The following CELF2 variants were observed in gnomAD, a reference collection of about 807,000 sequenced individuals.
The protein encoded by CELF2 is CUG triplet repeat RNA-binding protein 2.
A neutral mutation model predicts 62.6 loss-of-function variants in CELF2; 8 were observed. The observed-to-expected ratio is 0.13, with a 90% CI of 0.07 to 0.23. CELF2 has a LOEUF of 0.23. CELF2 is among the 10% of genes least tolerant of loss of function. The pLI, the probability that CELF2 is intolerant of heterozygous loss-of-function variation, is 1.00. For synonymous variants in CELF2, 258 were observed against 250.0 expected (o/e 1.03, Z -0.30); for missense variants, 333 against 671.0 (o/e 0.50, Z 5.56).
intron 2 of CELF2, among the ~76,000 whole-genome samples, chr10:11,185,514 A>C (rs1588564646): frequency 6.6e-6 from 1 of 152,138 alleles, no homozygotes; most frequent in Admixed American, 6.5e-5. Context: ...TCCTGGATTC[A>C]AGTGATTCTC....
the CELF2 span, among the ~76,000 whole-genome samples, chr10:10,564,772 C>A: frequency 1.3e-5 from 2 of 151,662 alleles, no homozygotes; most frequent in Non-Finnish European, 2.9e-5. Context: ...TTCCACAGTG[C>A]TCTAAACAAT....
In CELF2 at chr10:10,849,507, C is replaced by T. The variant is rs116776665; in HGVS notation, c.53+50690C>T. Reference sequence around the variant, plus strand: ...TCTCAACATTTTGCCATATTTGCTTCGTCATTCTTTCCATACATACTACCT... The same window carrying T: ...TCTCAACATTTTGCCATATTTGCTTTGTCATTCTTTCCATACATACTACCT... On this transcript the variant is annotated intron_variant, in intron 1 of 13. Transcript: ENST00000636488. Among the ~76,000 whole-genome samples the T allele has an allele frequency of 3.6e-3, 541 of 152,266 alleles. 3 individuals carry two copies. The highest frequency in any genetic ancestry group is 0.012 in the African/African-American group (510 of 41,554).
chr10:11,245,767 C>T (rs1420440393), intron 3 of CELF2, among the ~76,000 whole-genome samples: 1 of 152,196 alleles, frequency 6.6e-6, no homozygotes, highest in Non-Finnish European at 1.5e-5. Context: ...AGATTACTTT[C>T]CCCTAGGGAT....
At chr10:10,506,678 T>TTTTTTTTTTA in the CELF2 span, among the ~76,000 whole-genome samples, 1 of 124,878 alleles carries the variant, frequency 8.0e-6, no homozygotes, top group Non-Finnish European at 1.7e-5. Flanking sequence ...GAATTTTTTT[T>TTTTTTTTTTA]TTTTTTTTTT....
In CELF2 at chr10:11,300,353, G is replaced by A. The variant is rs777107880; in HGVS notation, c.976+11801G>A. Among the ~76,000 whole-genome samples the A allele has an allele frequency of 2.6e-5, 4 of 152,172 alleles. No homozygotes were observed. The highest frequency in any genetic ancestry group is 4.8e-5 in the African/African-American group (2 of 41,420). ...CCCAGTCTTCCTGAGAACCAGTAGT[G>A]ATGACTCTTGCCCAGCACTGCACCA... On this transcript the variant is annotated intron_variant, in intron 9 of 12. Coordinates refer to ENST00000633077, the MANE Select transcript of CELF2 (RefSeq NM_001326342.2). The surrounding 1 kb of genome is among the most constrained non-coding windows in gnomAD (Gnocchi z 5.5).
intron 1 of CELF2, among the ~76,000 whole-genome samples, chr10:10,821,647 G>T (rs1231452310): frequency 6.6e-6 from 1 of 151,942 alleles, no homozygotes; most frequent in African/African-American, 2.4e-5. Context: ...GGGTTTCCTT[G>T]GTTTTTTGTT....
chr10:10,767,792 G>A, the CELF2 span, among the ~76,000 whole-genome samples: 74 of 151,994 alleles, frequency 4.9e-4, no homozygotes, highest in Admixed American at 4.8e-3. Context: ...GTCAGGAGAT[G>A]GAGACCATCC....
rs551670276 is a variant in CELF2, at chr10:11,052,592, G to T, written c.74+34429G>T. ...AAAAATGAAAAGCTAACTGCAATTA[G>T]GTAAACTATACCTTTCTTTACATCC... On this transcript the variant is annotated intron_variant, in intron 1 of 12. Transcript: ENST00000633077. Among the ~76,000 whole-genome samples the T allele has an allele frequency of 1.1e-4, 16 of 152,318 alleles. No individual in the cohort carries two copies. The South Asian group carries it at 3.3e-3, about 32-fold the overall frequency.
chr10:10,868,133 C>T (rs2060499597), intron 1 of CELF2, among the ~76,000 whole-genome samples: 1 of 152,314 alleles, frequency 6.6e-6, no homozygotes, highest in African/African-American at 2.4e-5. Flanking sequence ...CAGCATACCA[C>T]CCCCAGAATT....
chr10:11,058,071 A>G (rs1331088024), intron 1 of CELF2, among the ~76,000 whole-genome samples: 2 of 77,924 alleles, frequency 2.6e-5, no homozygotes, highest in South Asian at 3.4e-4. Flanking sequence ...TCTGAAGAGG[A>G]AAAAAAAAAA....
At chr10:10,750,380 G>A in the CELF2 span, among the ~76,000 whole-genome samples, 1 of 152,160 alleles carries the variant, frequency 6.6e-6, no homozygotes, top group Non-Finnish European at 1.5e-5. Context: ...TTTGGTTAGA[G>A]CTCTTGGGGA....
At chr10:11,014,597 A>C (rs920355819), upstream of CELF2, among the ~76,000 whole-genome samples, 1 of 152,100 alleles carries the variant, frequency 6.6e-6, no homozygotes, top group Non-Finnish European at 1.5e-5. Flanking sequence ...GTACAAATGC[A>C]TTTATTAGCA....
chr10:11,120,699 T>C (rs2057565272), intron 1 of CELF2, among the ~76,000 whole-genome samples: 2 of 151,924 alleles, frequency 1.3e-5, no homozygotes, highest in Admixed American at 1.3e-4. Flanking sequence ...ATCTAGGGAG[T>C]GCTTAATTTC....
In CELF2 at chr10:11,260,391, G is replaced by A. The variant is rs1027792216; in HGVS notation, c.538+2519G>A. On this transcript the variant is annotated intron_variant, in intron 5 of 12. Transcript: ENST00000633077. This position sits in a 1 kb window ranked among gnomAD's most constrained non-coding sequence, Gnocchi z 4.2. ...AATGAACAGGATTGCCGCCTGCAGC[G>A]TTCAGAGCTCCTTGAGCATACATCA... Among the ~76,000 whole-genome samples, 1 of 152,214 alleles carries A rather than the reference G, an allele frequency of 6.6e-6. No individual in the cohort carries two copies. The highest frequency in any genetic ancestry group is 1.5e-5 in the Non-Finnish European group (1 of 68,042).
chr10:10,589,089 A>G, the CELF2 span, among the ~76,000 whole-genome samples: 2 of 152,228 alleles, frequency 1.3e-5, no homozygotes, highest in African/African-American at 4.8e-5. Context: ...TTAGGGAGAC[A>G]GGAGACATCA....
At chr10:11,087,318 A>G (rs912967481) in intron 1 of CELF2, among the ~76,000 whole-genome samples, 1 of 152,292 alleles carries the variant, frequency 6.6e-6, no homozygotes, top group Admixed American at 6.5e-5. Context: ...TGGATGATAA[A>G]GCATTGGTAT....
the CELF2 span, among the ~76,000 whole-genome samples, chr10:10,769,522 G>C: frequency 1.3e-5 from 2 of 152,134 alleles, no homozygotes; most frequent in African/African-American, 4.8e-5. Context: ...TAGCACTTTG[G>C]GAGGCTGAGG....
the CELF2 span, among the ~76,000 whole-genome samples, chr10:10,704,908 T>C: frequency 2.7e-5 from 4 of 148,324 alleles, no homozygotes; most frequent in South Asian, 4.3e-4. Context: ...TTTTTTTTTT[T>C]CTGGGCATGG....
At chr10:10,921,062 C>T (rs1411982232) in intron 2 of CELF2, among the ~76,000 whole-genome samples, 1 of 151,944 alleles carries the variant, frequency 6.6e-6, no homozygotes, top group Non-Finnish European at 1.5e-5. Flanking sequence ...TCAAGCGATT[C>T]TCCTGCCTCA....
Sources: gnomAD v4.1 joint callset for allele counts (sites outside exome capture counted in the v4.1 genomes callset) on GRCh38, gnomAD v4.1.1 for gene constraint, Gnocchi (gnomAD v3.1) non-coding constraint, MANE v1.5 for transcripts, NCBI Gene and HGNC (gene_info 2026-07-23, HGNC 2026-07-21) for gene names.